SHROOM1: variants seen among roughly 807,000 people sequenced by gnomAD.
The protein encoded by SHROOM1 is protein Shroom1.
Under a neutral mutation model 64.2 loss-of-function variants are expected in SHROOM1, and 53 were observed. The ratio of observed to expected loss-of-function variants is 0.83; its 90% confidence interval spans 0.66 to 1.04. SHROOM1 has a LOEUF of 1.04. Ranked by LOEUF, SHROOM1 falls within the 50% of genes least tolerant of loss-of-function variation. The pLI, the probability that SHROOM1 is intolerant of heterozygous loss-of-function variation, is 0.00. For synonymous variants in SHROOM1, 490 were observed against 518.9 expected (o/e 0.94, Z 0.76); for missense variants, 1,179 against 1,163.2 (o/e 1.01, Z -0.20).
intron 1 of SHROOM1, chr5:132,829,661 C>G (rs893198090): frequency 1.0e-6 from 1 of 985,346 alleles, no homozygotes; most frequent in South Asian, 4.7e-5. Context: ...GGCCGCCCCT[C>G]CCAGCGGGTC....
chr5:132,824,105 G>A lies in SHROOM1; in HGVS notation c.1556C>T (p.Ser519Phe), dbSNP rs113574085. ...GLSGNDTPGP[S>F]HNTALARGTG... ...GCCCCTGGCTAGGGCAGTATTGTGA[G>A]AGGGACCTGGAGTATCATTGCCTGA... Residue 519 changes from serine (S) to phenylalanine (F), a missense_variant, in exon 7 of 10, where the codon TCT (serine) becomes TTT (phenylalanine). Transcript: ENST00000378679. 5.0e-6 allele frequency: 8 copies of A among 1,614,112 alleles called. No individual in the cohort carries two copies. The highest frequency in any genetic ancestry group is 2.7e-5 in the African/African-American group (2 of 75,076).
chr5:132,823,041 C>G lies in SHROOM1; in HGVS notation c.2314G>C (p.Ala772Pro). The G allele has an allele frequency of 1.9e-6, 3 of 1,598,590 alleles. No individual in the cohort carries two copies. Among genetic ancestry groups the G allele is most frequent in the Non-Finnish European group, 2.5e-6 (3 of 1,178,730 alleles). The change falls in exon 10 of 10, where the codon GCC becomes CCC. Residue 772 changes from alanine (A) to proline (P), a missense_variant. Physicochemically the swap from Ala to Pro is conservative, Grantham distance 27. Transcript: ENST00000378679. This position sits in a 1 kb window ranked among gnomAD's most constrained non-coding sequence, Gnocchi z 4.6. ...LKEHVARRER[A>P]VREVLVRALP... ...GCTCGCACCAGCACCTCCCGCACGG[C>G]CCGCTCGCGCCGCGCTACGTGCTCC... is the stretch of plus-strand genomic sequence containing the variant.
chr5:132,824,452 G>C (rs764630045), intron 6 of SHROOM1, 33 bp from the exon 7 acceptor site: 1 of 1,520,990 alleles, frequency 6.6e-7, no homozygotes, highest in Non-Finnish European at 8.8e-7. Flanking sequence ...ATCAGAAAAA[G>C]CTCCAGCCAC....
intron 1 of SHROOM1, among the ~76,000 whole-genome samples, chr5:132,828,793 G>A (rs1212811283): frequency 6.6e-6 from 1 of 152,228 alleles, no homozygotes; most frequent in East Asian, 1.9e-4. Context: ...AGATGCTTTT[G>A]CACTGGTGGC....
At position 132,830,408 on chromosome 5, in the gene SHROOM1, C is replaced by T; in HGVS notation, c.-501+186G>A. 1.0e-6 allele frequency: 1 copy of T among 985,028 alleles called. No homozygotes were observed. Among genetic ancestry groups the T allele is most frequent in the Non-Finnish European group, 1.2e-6 (1 of 829,786 alleles). The allele number at this position is 985,028 out of a possible 1,614,324, so 61.0% of individuals were successfully genotyped here. A position where few individuals can be genotyped will look rare whatever the true frequency, so the allele number is the denominator to read the frequency against. On this transcript the variant is annotated intron_variant, in intron 1 of 9. Coordinates refer to ENST00000378679, the MANE Select transcript of SHROOM1 (RefSeq NM_001172700.2). This position sits in a 1 kb window ranked among gnomAD's most constrained non-coding sequence, Gnocchi z 5.9. ...CAGCTGGGAGAGGCGCGCTGGGGTC[C>T]GACTCCACTGGCGCAACCTGACGCG...
chr5:132,830,589 C>A lies in SHROOM1; in HGVS notation c.-501+5G>T, dbSNP rs1025044638. 1.4e-5 allele frequency: 14 copies of A among 985,538 alleles called. No homozygotes were observed. The highest frequency in any genetic ancestry group is 1.7e-5 in the Non-Finnish European group (14 of 829,920). The allele number at this position is 985,538 out of a possible 1,614,324, so 61.0% of individuals were successfully genotyped here. ...GCTTCCCGCTCCCCCGCCCCCGCCGCGTACCTGAGGCTCCCGCCGAGACGC... is the reference window on the plus strand; with the variant it reads ...GCTTCCCGCTCCCCCGCCCCCGCCGAGTACCTGAGGCTCCCGCCGAGACGC... On this transcript the variant is annotated splice_donor_5th_base_variant and intron_variant, in intron 1 of 9. Transcript: ENST00000378679. This position sits in a 1 kb window ranked among gnomAD's most constrained non-coding sequence, Gnocchi z 5.9.
Position 132,824,766 on chromosome 5 carries a change from T to C in SHROOM1, c.1090A>G (p.Ser364Gly). ...ACCCTCTGTTCACTGTCAGCAGGGC[T>C]GCTCTGGGGTAACTCTGCAGGATAC... The part of the protein sequence containing the change: ...VMYPAELPQS[S>G]PADSEQRVSE... Residue 364 changes from serine to glycine, a missense_variant, in exon 6 of 10, where the codon AGC (serine) becomes GGC (glycine). Transcript: ENST00000378679. 6.2e-7 allele frequency: 1 copy of C among 1,614,110 alleles called. No individual in the cohort carries two copies. Among genetic ancestry groups the C allele is most frequent in the Non-Finnish European group, 8.5e-7 (1 of 1,180,026 alleles).
At position 132,824,786 on chromosome 5, in the gene SHROOM1, G is replaced by A; in HGVS notation, c.1070C>T (p.Pro357Leu). 1 of 1,614,132 alleles carries A rather than the reference G, an allele frequency of 6.2e-7. No individual in the cohort carries two copies. Among genetic ancestry groups the A allele is most frequent in the Non-Finnish European group, 8.5e-7 (1 of 1,180,030 alleles). The part of the protein sequence containing the change: ...LPQKEAAVMY[P>L]AELPQSSPAD... ...AGGGCTGCTCTGGGGTAACTCTGCA[G>A]GATACATCACCGCAGCCTCTTTCTG... Residue 357 changes from proline (P) to leucine (L), a missense_variant, in exon 6 of 10, where the codon CCT (proline) becomes CTT (leucine). Pro to Leu is a moderately conservative substitution (Grantham distance 98). Coordinates refer to ENST00000378679, the MANE Select transcript of SHROOM1 (RefSeq NM_001172700.2).
chr5:132,825,243 G>T lies in SHROOM1; in HGVS notation c.898C>A (p.Pro300Thr). Residue 300 changes from proline (P) to threonine (T), a missense_variant, in exon 4 of 10, where the codon CCC (proline) becomes ACC (threonine). Transcript: ENST00000378679. This position sits in a 1 kb window ranked among gnomAD's most constrained non-coding sequence, Gnocchi z 5.1. ...GSLKLGDAFR[P>T]ASRSRSASGE... ...GAAGCGCTCCGACTCCGACTGGCGG[G>T]CCTGAAGGCATCACCGAGCTTCAAG... 6.2e-7 allele frequency: 1 copy of T among 1,613,558 alleles called. No individual in the cohort carries two copies. Among genetic ancestry groups the T allele is most frequent in the Non-Finnish European group, 8.5e-7 (1 of 1,179,890 alleles).
Position 132,822,631 on chromosome 5 carries a change from G to C in SHROOM1, c.*165C>G. ...GCCCGCCTCGGCCTCCCAAAGTGCT[G>C]GGATTACAGGCGTGAGCCACCGCGC... On this transcript the variant is annotated 3_prime_UTR_variant, in exon 10 of 10. Transcript: ENST00000378679. The C allele has an allele frequency of 1.3e-6, 1 of 749,188 alleles. No individual in the cohort carries two copies. Among genetic ancestry groups the C allele is most frequent in the Non-Finnish European group, 2.1e-6 (1 of 472,316 alleles). 46.4% of individuals were successfully genotyped at this position (749,188 alleles called of 1,614,324 possible). A position where few individuals can be genotyped will look rare whatever the true frequency, so the allele number is the denominator to read the frequency against.
chr5:132,828,942 T>C (rs1758775354), intron 1 of SHROOM1, among the ~76,000 whole-genome samples: 2 of 152,242 alleles, frequency 1.3e-5, no homozygotes, highest in African/African-American at 4.8e-5. Flanking sequence ...CTTGTCTGGC[T>C]GCAGGGAGCC....
intron 1 of SHROOM1, among the ~76,000 whole-genome samples, chr5:132,828,207 G>C (rs926118120): frequency 6.6e-6 from 1 of 152,104 alleles, no homozygotes; most frequent in Non-Finnish European, 1.5e-5. Context: ...CAGATTGCTG[G>C]TTAGGGCAAG....
At chr5:132,824,954 T>C (rs1188095229) in intron 5 of SHROOM1, 64 bp downstream of exon 5, 1 of 1,604,700 alleles carries the variant, frequency 6.2e-7, no homozygotes, top group African/African-American at 1.3e-5. Context: ...CCTTTCATTT[T>C]TTGGGCAAAA....
In SHROOM1 at chr5:132,830,070, G is replaced by C. The variant is rs3817072; in HGVS notation, c.-501+524C>G. ...TGGGAGCCGAGGCACGGGAGGGAGA[G>C]AGGCGCAGGCCCCGGCGGCCGCAGG... On this transcript the variant is annotated intron_variant, in intron 1 of 9. Transcript: ENST00000378679. This position sits in a 1 kb window ranked among gnomAD's most constrained non-coding sequence, Gnocchi z 5.9. 0.014 allele frequency: 14,265 copies of C among 985,368 alleles called. 992 individuals carry two copies. In the African/African-American group the frequency reaches 0.17, roughly 12 times the overall value. 61.0% of individuals were successfully genotyped at this position (985,368 alleles called of 1,614,324 possible). A position where few individuals can be genotyped will look rare whatever the true frequency, so the allele number is the denominator to read the frequency against.
chr5:132,828,893 T>C (rs1322419533), intron 1 of SHROOM1, among the ~76,000 whole-genome samples: 1 of 152,196 alleles, frequency 6.6e-6, no homozygotes, highest in Non-Finnish European at 1.5e-5. Context: ...TTGGTGTGTT[T>C]TGGGGGGCCT....
intron 3 of SHROOM1, 22 bp from the exon 4 acceptor site, chr5:132,826,204 G>GCCGGGTGAGGAGCT (rs1169589884): frequency 2.2e-5 from 28 of 1,272,418 alleles, no homozygotes; most frequent in Non-Finnish European, 2.7e-5. Flanking sequence ...CAGATGTGGT[G>GCCGGGTGAGGAGCT]CCGGGTGAGG....
chr5:132,825,030 G>A lies in SHROOM1; in HGVS notation c.1022C>T (p.Thr341Ile), dbSNP rs754707337. ...CCGTGTCTCTCACCTGGAAAGTTTG[G>A]TCTGAAACAATGGTCTGGGGGTTTC... ...GAETPRPLFQ[T>I]KLSRFLPQKE... The change falls in exon 5 of 10, where the codon ACC becomes ATC. Residue 341 changes from threonine (T) to isoleucine (I), a missense_variant. Coordinates refer to ENST00000378679, the MANE Select transcript of SHROOM1 (RefSeq NM_001172700.2). The surrounding 1 kb of genome is among the most constrained non-coding windows in gnomAD (Gnocchi z 5.1). 6.2e-7 allele frequency: 1 copy of A among 1,614,100 alleles called. No individual in the cohort carries two copies. The highest frequency in any genetic ancestry group is 1.3e-5 in the African/African-American group (1 of 75,046).
Position 132,823,716 on chromosome 5 carries a change from C to G in SHROOM1, c.1860G>C (p.Glu620Asp). The G allele has an allele frequency of 6.2e-7, 1 of 1,611,098 alleles. No homozygotes were observed. Among genetic ancestry groups the G allele is most frequent in the Non-Finnish European group, 8.5e-7 (1 of 1,178,714 alleles). ...GGGTGGCAGGGTTTTCAAGCCTTGT[C>G]TCCTCCCGAGGAGCCGGCAGGAGCT... Reference protein sequence around the residue: ...FTQLLPAPREETRLENPATHP... With the variant: ...FTQLLPAPREDTRLENPATHP... The change falls in exon 8 of 10, where the codon GAG becomes GAC. Residue 620 changes from glutamate (E) to aspartate (D), a missense_variant. Glu to Asp is a conservative substitution (Grantham distance 45). Transcript: ENST00000378679. This position sits in a 1 kb window ranked among gnomAD's most constrained non-coding sequence, Gnocchi z 4.6.
intron 6 of SHROOM1, 35 bp downstream of exon 6, chr5:132,824,580 G>T (rs199778015): frequency 1.5e-4 from 230 of 1,583,650 alleles, no homozygotes; most frequent in Middle Eastern, 1.4e-3. Flanking sequence ...GTGTCAGGGG[G>T]TGCCTCACGA....
Sources: gnomAD v4.1 joint callset for allele counts (sites outside exome capture counted in the v4.1 genomes callset) on GRCh38, gnomAD v4.1.1 for gene constraint, Gnocchi (gnomAD v3.1) non-coding constraint, MANE v1.5 for transcripts, NCBI Gene and HGNC (gene_info 2026-07-23, HGNC 2026-07-21) for gene names.